ARHGAP39: variants seen among roughly 807,000 people sequenced by gnomAD.
ARHGAP39 encodes the protein Rho GTPase activating protein 39.
ARHGAP39 carries 44 observed loss-of-function variants against 106.9 expected under a neutral mutation model. The ratio of observed to expected loss-of-function variants is 0.41; its 90% confidence interval spans 0.32 to 0.53. ARHGAP39 has a LOEUF of 0.53. Ranked by LOEUF, ARHGAP39 falls within the 20% of genes least tolerant of loss-of-function variation. The probability of loss-of-function intolerance (pLI) is 0.21; values close to 1 mark genes in which losing one functional copy is unlikely to be tolerated. For synonymous variants in ARHGAP39, 768 were observed against 693.2 expected, an observed-to-expected ratio of 1.11 and a Z score of -1.69; for missense variants, 1,496 against 1,577.3, an observed-to-expected ratio of 0.95 and a Z score of 0.87.
At chr8:144,688,177 C>T (rs531105242), upstream of ARHGAP39, among the ~76,000 whole-genome samples, 1 of 150,924 alleles carries the variant, frequency 6.6e-6, no homozygotes, top group African/African-American at 2.4e-5. Context: ...CATCTTGGCT[C>T]ATTGCAACCT....
At chr8:144,640,077 T>C (rs1821272577) in intron 1 of ARHGAP39, among the ~76,000 whole-genome samples, 1 of 152,152 alleles carries the variant, frequency 6.6e-6, no homozygotes, top group Admixed American at 6.5e-5. Context: ...ATGCAGAAAA[T>C]ATGGAAAACC....
chr8:144,615,893 C>T (rs1327225213), intron 1 of ARHGAP39, among the ~76,000 whole-genome samples: 1 of 152,200 alleles, frequency 6.6e-6, no homozygotes, highest in Non-Finnish European at 1.5e-5. Flanking sequence ...CAGCTGTGCT[C>T]ACCAAAGCCG....
In ARHGAP39 at chr8:144,576,559, G is replaced by A. The variant is rs148016397; in HGVS notation, c.512+4287C>T. Among the ~76,000 whole-genome samples, 28 of 152,292 alleles carry A rather than the reference G, an allele frequency of 1.8e-4. No homozygotes were observed. In the South Asian group the frequency reaches 4.4e-3, roughly 24 times the overall value. On this transcript the variant is annotated intron_variant, in intron 3 of 11. Transcript: ENST00000377307. ...GGGAAGAACAGCCCCGCAAGTGTGG[G>A]TGACTGACACATTTTGAAAAGAGAA...
chr8:144,672,180 T>C (rs1822117696), intron 1 of ARHGAP39, among the ~76,000 whole-genome samples: 1 of 152,014 alleles, frequency 6.6e-6, no homozygotes, highest in Non-Finnish European at 1.5e-5. Flanking sequence ...GCACCTAGAG[T>C]TTCAGAAGCT....
chr8:144,549,608 T>C (rs1160908635), intron 4 of ARHGAP39, among the ~76,000 whole-genome samples: 1 of 152,162 alleles, frequency 6.6e-6, no homozygotes, highest in Non-Finnish European at 1.5e-5. Flanking sequence ...TTCTCCTGCC[T>C]CAGCCTCCCG....
At chr8:144,662,483 C>G (rs1456520787) in intron 1 of ARHGAP39, among the ~76,000 whole-genome samples, 1 of 150,458 alleles carries the variant, frequency 6.6e-6, no homozygotes, top group African/African-American at 2.5e-5. Flanking sequence ...CCTCCCCTCC[C>G]CATTATCCAC....
intron 3 of ARHGAP39, among the ~76,000 whole-genome samples, chr8:144,572,566 G>C (rs1457906420): frequency 1.3e-5 from 2 of 152,090 alleles, no homozygotes; most frequent in Non-Finnish European, 2.9e-5. Context: ...CACAGGCATG[G>C]GCAAGCACAT....
rs1821275371 is a variant in ARHGAP39, at chr8:144,640,183, CACCT to C, written c.-81-34492_-81-34489del. Among the ~76,000 whole-genome samples the C allele has an allele frequency of 5.9e-5, 9 of 152,286 alleles. No individual in the cohort carries two copies. The South Asian group carries it at 1.7e-3, about 28-fold the overall frequency. On this transcript the variant is annotated intron_variant, in intron 1 of 11. Transcript: ENST00000377307. ...ACACAAACACGTTCAAACAAGCACCCACCTGTTTTTGGACTCTCGCGTGGCTCAG... is the reference window on the plus strand; with the variant it reads ...ACACAAACACGTTCAAACAAGCACCCGTTTTTGGACTCTCGCGTGGCTCAG...
chr8:144,568,507 C>G (rs945010363), intron 3 of ARHGAP39, among the ~76,000 whole-genome samples: 1 of 152,030 alleles, frequency 6.6e-6, no homozygotes, highest in Non-Finnish European at 1.5e-5. Flanking sequence ...ATCAAGAGCA[C>G]AGGAAACAGG....
chr8:144,624,061 C>T (rs534957667), intron 1 of ARHGAP39, among the ~76,000 whole-genome samples: 2 of 152,344 alleles, frequency 1.3e-5, no homozygotes, highest in South Asian at 4.1e-4. Context: ...GGACCCTCCA[C>T]CCATCAGAAA....
intron 1 of ARHGAP39, among the ~76,000 whole-genome samples, chr8:144,657,921 A>C (rs1821736149): frequency 6.6e-6 from 1 of 152,028 alleles, no homozygotes; most frequent in African/African-American, 2.4e-5. Context: ...CTGGGGATTG[A>C]AAATATTTTT....
At chr8:144,654,436 G>A (rs1481040810) in intron 1 of ARHGAP39, among the ~76,000 whole-genome samples, 10 of 152,168 alleles carry the variant, frequency 6.6e-5, no homozygotes, top group African/African-American at 2.4e-4. Flanking sequence ...CCTGGGAGGT[G>A]GAGGCTGCAG....
intron 1 of ARHGAP39, among the ~76,000 whole-genome samples, chr8:144,656,435 G>T (rs919669085): frequency 6.6e-6 from 1 of 152,096 alleles, no homozygotes; most frequent in Non-Finnish European, 1.5e-5. Context: ...CGTATGCCTA[G>T]TTTAATAACA....
intron 6 of ARHGAP39, among the ~76,000 whole-genome samples, chr8:144,543,624 C>A (rs1817285629): frequency 6.6e-6 from 1 of 152,192 alleles, no homozygotes; most frequent in Non-Finnish European, 1.5e-5. Context: ...GAAGCCACGG[C>A]CGCCCAGGCT....
At chr8:144,542,633 C>G (rs1817243077) in intron 6 of ARHGAP39, among the ~76,000 whole-genome samples, 1 of 147,192 alleles carries the variant, frequency 6.8e-6, no homozygotes, top group Non-Finnish European at 1.5e-5. Context: ...ACCCGCCCCC[C>G]CACCCCCACT....
intron 3 of ARHGAP39, among the ~76,000 whole-genome samples, chr8:144,577,013 C>T (rs1306734556): frequency 2.0e-5 from 3 of 152,164 alleles, no homozygotes; most frequent in Non-Finnish European, 4.4e-5. Context: ...GTCACCTTTC[C>T]ACGGAGCTCC....
chr8:144,656,956 C>G (rs527752681), intron 1 of ARHGAP39, among the ~76,000 whole-genome samples: 2 of 151,724 alleles, frequency 1.3e-5, no homozygotes, highest in African/African-American at 2.4e-5. Flanking sequence ...AAATCACTCA[C>G]GAAGAAATAG....
At chr8:144,558,933 G>C (rs551329749) in intron 3 of ARHGAP39, among the ~76,000 whole-genome samples, 307 of 152,092 alleles carry the variant, frequency 2.0e-3, no homozygotes, top group African/African-American at 6.7e-3. Context: ...ACTAGGGCCG[G>C]GCACGGTAGC....
chr8:144,617,954 G>T (rs1820681994), intron 1 of ARHGAP39, among the ~76,000 whole-genome samples: 1 of 151,700 alleles, frequency 6.6e-6, no homozygotes, highest in Non-Finnish European at 1.5e-5. Context: ...GCTAATTTTT[G>T]TATTTTTTCT....
Sources: gnomAD v4.1 joint callset for allele counts (sites outside exome capture counted in the v4.1 genomes callset) on GRCh38, gnomAD v4.1.1 for gene constraint, MANE v1.5 for transcripts, NCBI Gene and HGNC (gene_info 2026-07-23, HGNC 2026-07-21) for gene names.